ZNF385B: variants seen among roughly 807,000 people sequenced by gnomAD.
ZNF385B encodes the protein zinc finger protein 533.
ZNF385B carries 23 observed loss-of-function variants against 39.2 expected under a neutral mutation model. The ratio of observed to expected loss-of-function variants is 0.59; its 90% confidence interval spans 0.42 to 0.83. The LOEUF is 0.83. Among genes scored for constraint, ZNF385B ranks in the 40% least tolerant of loss-of-function variants. The probability of loss-of-function intolerance (pLI) is 0.00; values close to 1 mark genes in which losing one functional copy is unlikely to be tolerated. For missense variants in ZNF385B, 552 were observed against 598.9 expected (o/e 0.92, Z 0.82); for synonymous variants, 205 against 222.6 (o/e 0.92, Z 0.70).
chr2:179,639,249 A>AAAAAGG (rs71029824), intron 3 of ZNF385B, among the ~76,000 whole-genome samples: 2,486 of 127,958 alleles, frequency 0.019, 110 homozygotes, highest in Non-Finnish European at 0.027. Flanking sequence ...AAAAAAAAAA[A>AAAAAGG]GGGGGAGAAA....
chr2:179,470,423 A>AT (rs1431932793), intron 6 of ZNF385B, among the ~76,000 whole-genome samples: 1 of 151,978 alleles, frequency 6.6e-6, no homozygotes, highest in Non-Finnish European at 1.5e-5. Context: ...AACTGAGAGG[A>AT]TTTTTTGCCT....
Position 179,518,729 on chromosome 2 carries a change from G to C in ZNF385B, c.442-91C>G. 4.2e-6 allele frequency: 3 copies of C among 715,586 alleles called. No homozygotes were observed. The South Asian group carries it at 8.3e-5, about 20-fold the overall frequency. 44.3% of individuals were successfully genotyped at this position (715,586 alleles called of 1,614,324 possible). A position where few individuals can be genotyped will look rare whatever the true frequency, so the allele number is the denominator to read the frequency against. ...AACAGTAGTTGAAATATTCCATAAA[G>C]TTTAAACTTTTAGTTCCTAAACAAA... On this transcript the variant is annotated intron_variant, in intron 4 of 9. Coordinates refer to ENST00000410066, the MANE Select transcript of ZNF385B (RefSeq NM_152520.6).
chr2:179,621,196 T>C (rs185276887), intron 3 of ZNF385B, among the ~76,000 whole-genome samples: 1 of 151,958 alleles, frequency 6.6e-6, no homozygotes, highest in African/African-American at 2.4e-5. Flanking sequence ...ATTGAGGAAA[T>C]CTAGCAAGTT....
At chr2:179,598,778 C>T (rs535231335) in intron 3 of ZNF385B, among the ~76,000 whole-genome samples, 44 of 152,110 alleles carry the variant, frequency 2.9e-4, no homozygotes, top group African/African-American at 9.6e-4. Context: ...ACATCTTATA[C>T]CTGGATGTTT....
rs944959242 is a variant in ZNF385B at position 179,812,930 on chromosome 2, G to A, written c.-154-42258C>T. ...CTATTTGGAATTTTAAAATTTATTT[G>A]CAAGAGAGCTCTCCTATAATATTTA... On this transcript the variant is annotated intron_variant, in intron 1 of 9. Transcript: ENST00000410066. Among the ~76,000 whole-genome samples the A allele has an allele frequency of 4.5e-4, 68 of 151,924 alleles. 1 individual carries two copies. Among genetic ancestry groups the A allele is most frequent in the Admixed American group, 4.1e-3 (63 of 15,266 alleles).
rs112920428 is a variant in ZNF385B at position 179,861,358 on chromosome 2, C to T, written c.-412G>A. On this transcript the variant is annotated 5_prime_UTR_variant, in exon 1 of 10. Coordinates refer to ENST00000410066, the MANE Select transcript of ZNF385B (RefSeq NM_152520.6). Reference sequence around the variant, plus strand: ...CCCGCGCCGGGCTTAAGCGCCCGGCCGCTGCCCCCGCGCTGAGCGCCTGCG... The same window carrying T: ...CCCGCGCCGGGCTTAAGCGCCCGGCTGCTGCCCCCGCGCTGAGCGCCTGCG... The T allele has an allele frequency of 6.7e-6, 1 of 150,162 alleles. No homozygotes were observed. Among genetic ancestry groups the T allele is most frequent in the South Asian group, 2.0e-4 (1 of 4,952 alleles). The allele number at this position is 150,162 out of a possible 1,614,324, so 9.3% of individuals were successfully genotyped here.
chr2:179,590,760 A>G (rs1264936391), intron 3 of ZNF385B, among the ~76,000 whole-genome samples: 2 of 151,988 alleles, frequency 1.3e-5, no homozygotes, highest in Non-Finnish European at 2.9e-5. Flanking sequence ...GATTGCTTAA[A>G]AGTGGCAGTT....
intron 3 of ZNF385B, among the ~76,000 whole-genome samples, chr2:179,628,636 T>A (rs1351750709): frequency 6.6e-6 from 1 of 152,334 alleles, no homozygotes; most frequent in South Asian, 2.1e-4. Flanking sequence ...TCCTAATTCA[T>A]CTTATAAAAA....
At chr2:179,584,361 G>A (rs1686861008) in intron 3 of ZNF385B, among the ~76,000 whole-genome samples, 1 of 152,064 alleles carries the variant, frequency 6.6e-6, no homozygotes, top group African/African-American at 2.4e-5. Flanking sequence ...ACTGAGAACT[G>A]CTGCAATGCA....
intron 4 of ZNF385B, among the ~76,000 whole-genome samples, chr2:179,539,553 A>T (rs1186946637): frequency 1.3e-5 from 2 of 152,192 alleles, no homozygotes; most frequent in African/African-American, 4.8e-5. Context: ...CTTAAGGGGA[A>T]CTAAACACCA....
At chr2:179,465,444 G>C (rs1389642292) in intron 6 of ZNF385B, among the ~76,000 whole-genome samples, 1 of 152,022 alleles carries the variant, frequency 6.6e-6, no homozygotes, top group East Asian at 1.9e-4. Flanking sequence ...ATATTTCATG[G>C]GTATTTCAAA....
intron 1 of ZNF385B, among the ~76,000 whole-genome samples, chr2:179,857,254 T>G (rs925418332): frequency 3.3e-5 from 5 of 152,192 alleles, no homozygotes; most frequent in African/African-American, 9.7e-5. Context: ...TGATGTCCTA[T>G]GATATGGCAG....
intron 6 of ZNF385B, among the ~76,000 whole-genome samples, chr2:179,455,793 G>C (rs768513653): frequency 5.3e-5 from 8 of 151,368 alleles, no homozygotes; most frequent in Non-Finnish European, 1.2e-4. Context: ...TTGGGAGCCT[G>C]AGGCAGGAGA....
intron 3 of ZNF385B, among the ~76,000 whole-genome samples, chr2:179,709,526 C>T (rs1699849439): frequency 6.6e-6 from 1 of 152,148 alleles, no homozygotes; most frequent in African/African-American, 2.4e-5. Flanking sequence ...GCATCTACAC[C>T]ACCTGGAAAT....
At chr2:179,635,478 C>T (rs1691674593) in intron 3 of ZNF385B, among the ~76,000 whole-genome samples, 1 of 151,836 alleles carries the variant, frequency 6.6e-6, no homozygotes, top group East Asian at 1.9e-4. Context: ...CACACGTATA[C>T]CTATGTATCA....
In ZNF385B at chr2:179,554,655, C is replaced by G. The variant is rs2060790739; in HGVS notation, c.299-9686G>C. Among the ~76,000 whole-genome samples the G allele has an allele frequency of 1.3e-5, 2 of 148,484 alleles. 1 individual carries two copies. Among genetic ancestry groups the G allele is most frequent in the African/African-American group, 5.1e-5 (2 of 39,214 alleles). ...GTAAGAATGTAGAACTCCTACAGAT[C>G]AATAAGAAAATGATAACACTAGATA... On this transcript the variant is annotated intron_variant, in intron 3 of 9. Coordinates refer to ENST00000410066, the MANE Select transcript of ZNF385B (RefSeq NM_152520.6).
chr2:179,722,782 G>A (rs748334565), intron 3 of ZNF385B, among the ~76,000 whole-genome samples: 7 of 151,984 alleles, frequency 4.6e-5, no homozygotes, highest in Non-Finnish European at 7.4e-5. Context: ...AAAAACCCAA[G>A]CCATTCCACG....
chr2:179,493,680 C>CGT lies in ZNF385B; in HGVS notation c.553-10247_553-10246insAC, dbSNP rs1414995037. Among the ~76,000 whole-genome samples the CGT allele has an allele frequency of 4.5e-3, 443 of 98,464 alleles. 23 individuals carry two copies. The highest frequency in any genetic ancestry group is 8.7e-3 in the East Asian group (18 of 2,058). 64.6% of individuals were successfully genotyped at this position (98,464 alleles called of 152,430 possible). On this transcript the variant is annotated intron_variant, in intron 5 of 9. Coordinates refer to ENST00000410066, the MANE Select transcript of ZNF385B (RefSeq NM_152520.6). The stretch of plus-strand genomic sequence containing the variant: ...ATATATGTATATGCATATGCATATA[C>CGT]ATATACACATATATACATATATGTA...
At chr2:179,497,092 C>G (rs2056297513) in intron 5 of ZNF385B, among the ~76,000 whole-genome samples, 1 of 152,060 alleles carries the variant, frequency 6.6e-6, no homozygotes, top group East Asian at 1.9e-4. Flanking sequence ...CAAAGACTTT[C>G]CCAGACAAAC....
Sources: allele counts gnomAD v4.1 joint callset (sites outside exome capture counted in the v4.1 genomes callset), GRCh38; gene constraint gnomAD v4.1.1; transcripts MANE v1.5; gene names NCBI Gene and HGNC (gene_info 2026-07-23, HGNC 2026-07-21).